Variants in NAA11 observed in about 807,000 individuals in gnomAD.
NAA11 encodes the protein N-alpha-acetyltransferase 11.
NAA11 carries 15 observed loss-of-function variants against 16.1 expected under a neutral mutation model. That is an observed-to-expected ratio of 0.93 (90% CI 0.62 to 1.44). The LOEUF (loss-of-function observed/expected upper bound fraction) is 1.44, where lower values mean the gene tolerates loss of function less well. Among genes scored for constraint, NAA11 ranks in the 40% most tolerant of loss-of-function variants. The probability of loss-of-function intolerance (pLI) is 0.00; values close to 1 mark genes in which losing one functional copy is unlikely to be tolerated. For missense variants in NAA11, 298 were observed against 291.3 expected, an observed-to-expected ratio of 1.02 and a Z score of -0.17; for synonymous variants, 122 against 112.4, an observed-to-expected ratio of 1.09 and a Z score of -0.54.
downstream of NAA11, among the ~76,000 whole-genome samples, chr4:79,314,548 T>C (rs1314085381): frequency 1.3e-5 from 2 of 150,996 alleles, no homozygotes; most frequent in Non-Finnish European, 2.9e-5. Flanking sequence ...GAACTATACT[T>C]TGAGAAACAA....
downstream of NAA11, among the ~76,000 whole-genome samples, chr4:79,315,852 G>A (rs1208287544): frequency 6.6e-6 from 1 of 152,140 alleles, no homozygotes; most frequent in East Asian, 1.9e-4. Context: ...AGCAATATTA[G>A]TATTATTGTT....
At chr4:79,309,031 A>T (rs1324951359) in intron 1 of NAA11, among the ~76,000 whole-genome samples, 1 of 152,218 alleles carries the variant, frequency 6.6e-6, no homozygotes, top group Non-Finnish European at 1.5e-5. Context: ...GATGTATGAA[A>T]AGATAAGCAT....
chr4:79,209,517 G>C, the NAA11 span, among the ~76,000 whole-genome samples: 10 of 152,096 alleles, frequency 6.6e-5, no homozygotes, highest in Non-Finnish European at 1.5e-4. Flanking sequence ...CAACTCCCCA[G>C]AGGGACCATT....
At chr4:79,172,571 A>T in the NAA11 span, among the ~76,000 whole-genome samples, 1 of 152,084 alleles carries the variant, frequency 6.6e-6, no homozygotes, top group Non-Finnish European at 1.5e-5. Context: ...TAACACTCAA[A>T]GTTTATTTTA....
intron 2 of NAA11, among the ~76,000 whole-genome samples, chr4:79,269,879 A>C (rs998387063): frequency 6.6e-6 from 1 of 151,482 alleles, no homozygotes; most frequent in African/African-American, 2.4e-5. Context: ...TGATTTTTGT[A>C]TAAGGTGTAA....
intron 2 of NAA11, among the ~76,000 whole-genome samples, chr4:79,231,587 T>C (rs1257781723): frequency 6.6e-6 from 1 of 151,646 alleles, no homozygotes; most frequent in Non-Finnish European, 1.5e-5. Flanking sequence ...CTAAAAGGAG[T>C]CCCACATTTT....
At chr4:79,277,067 T>C (rs1210591694) in intron 2 of NAA11, among the ~76,000 whole-genome samples, 1 of 152,126 alleles carries the variant, frequency 6.6e-6, no homozygotes, top group Non-Finnish European at 1.5e-5. Context: ...GTTTGCATCA[T>C]GATTAAAACT....
chr4:79,191,575 A>G, the NAA11 span, among the ~76,000 whole-genome samples: 64 of 152,056 alleles, frequency 4.2e-4, no homozygotes, highest in African/African-American at 1.5e-3. Context: ...TAGATGCTGG[A>G]TATTAGACCA....
chr4:79,194,357 A>G, the NAA11 span, among the ~76,000 whole-genome samples: 1 of 152,092 alleles, frequency 6.6e-6, no homozygotes, highest in African/African-American at 2.4e-5. Flanking sequence ...TGACACTTTA[A>G]TAAAAGAAAC....
intron 1 of NAA11, among the ~76,000 whole-genome samples, chr4:79,297,466 T>C (rs932430489): frequency 1.3e-5 from 2 of 152,160 alleles, no homozygotes; most frequent in African/African-American, 2.4e-5. Context: ...TGGGCATCTC[T>C]GCACTTTGCA....
chr4:79,314,972 G>T (rs1723884774), downstream of NAA11, among the ~76,000 whole-genome samples: 1 of 151,884 alleles, frequency 6.6e-6, no homozygotes, highest in South Asian at 2.1e-4. Flanking sequence ...ACTCAAACAG[G>T]ATTTATGTAA....
At chr4:79,179,107 C>A in the NAA11 span, among the ~76,000 whole-genome samples, 1 of 152,248 alleles carries the variant, frequency 6.6e-6, no homozygotes, top group South Asian at 2.1e-4. Context: ...GGTATATGAC[C>A]ATTCAGGCAA....
At chr4:79,246,340 T>C (rs1825403) in intron 2 of NAA11, among the ~76,000 whole-genome samples, 125,749 of 143,914 alleles carry the variant, frequency 0.87, 54,945 homozygotes, top group East Asian at 1. Context: ...GCCAAATCCC[T>C]CTCTCCGAGA....
At chr4:79,241,557 T>C (rs1217634762) in intron 2 of NAA11, among the ~76,000 whole-genome samples, 1 of 152,244 alleles carries the variant, frequency 6.6e-6, no homozygotes, top group Non-Finnish European at 1.5e-5. Flanking sequence ...TAACTTTCTT[T>C]TTGCTTTCTT....
At chr4:79,164,229 T>C in the NAA11 span, among the ~76,000 whole-genome samples, 97 of 152,212 alleles carry the variant, frequency 6.4e-4, no homozygotes, top group Admixed American at 1.0e-3. Flanking sequence ...ATAGACTTCA[T>C]AGTAAACACA....
chr4:79,206,880 G>A, the NAA11 span, among the ~76,000 whole-genome samples: 1 of 151,950 alleles, frequency 6.6e-6, no homozygotes, highest in African/African-American at 2.4e-5. Flanking sequence ...TTAAATTTAC[G>A]TTCAAGTGCT....
At chr4:79,176,460 A>T in the NAA11 span, among the ~76,000 whole-genome samples, 1 of 152,084 alleles carries the variant, frequency 6.6e-6, no homozygotes, top group Non-Finnish European at 1.5e-5. Flanking sequence ...GAGACTCAGG[A>T]AAGAGTTGCA....
chr4:79,314,534 A>G (rs1005769046), downstream of NAA11, among the ~76,000 whole-genome samples: 1 of 151,732 alleles, frequency 6.6e-6, no homozygotes. Context: ...TGCACTAAGC[A>G]TATGAACTAT....
At chr4:79,280,324 C>CTAAAGAGTGG (rs1184153545) in intron 2 of NAA11, among the ~76,000 whole-genome samples, 1 of 152,034 alleles carries the variant, frequency 6.6e-6, no homozygotes, top group Non-Finnish European at 1.5e-5. Context: ...CCTCCCGTAA[C>CTAAAGAGTGG]TAAAGAGTGG....
Sources: allele counts gnomAD v4.1 joint callset (sites outside exome capture counted in the v4.1 genomes callset), GRCh38; gene constraint gnomAD v4.1.1; transcripts MANE v1.5; gene names NCBI Gene and HGNC (gene_info 2026-07-23, HGNC 2026-07-21).